The following CSMD1 variants were observed in gnomAD, a reference collection of about 807,000 sequenced individuals.
CSMD1 encodes the protein CUB and sushi domain-containing protein 1.
Under a neutral mutation model 417.5 loss-of-function variants are expected in CSMD1, and 213 were observed. The observed-to-expected ratio is 0.51, with a 90% CI of 0.46 to 0.57. The LOEUF is 0.57. Among genes scored for constraint, CSMD1 ranks in the 20% least tolerant of loss-of-function variants. The probability of loss-of-function intolerance (pLI) is 0.00; values close to 1 mark genes in which losing one functional copy is unlikely to be tolerated. For missense variants in CSMD1, 6,923 were observed against 4,529.7 expected (o/e 1.53, Z -15.17); for synonymous variants, 2,862 against 1,736.8 (o/e 1.65, Z -16.11).
intron 5 of CSMD1, among the ~76,000 whole-genome samples, chr8:3,764,775 C>G (rs1321204534): frequency 7.1e-6 from 1 of 140,602 alleles, no homozygotes; most frequent in Non-Finnish European, 1.5e-5. Context: ...GAGAGACATT[C>G]TCACTCTGTT....
At chr8:3,599,776 G>A (rs1801274017) in intron 8 of CSMD1, among the ~76,000 whole-genome samples, 1 of 152,118 alleles carries the variant, frequency 6.6e-6, no homozygotes, top group South Asian at 2.1e-4. Flanking sequence ...CTTCCCGCTT[G>A]GCATGGGCAA....
intron 42 of CSMD1, 128 bp downstream of exon 42, chr8:3,118,271 A>C: frequency 1.4e-6 from 1 of 715,188 alleles, no homozygotes; most frequent in South Asian, 2.0e-5. Flanking sequence ...AGTGAGTAAA[A>C]CATAATAGAT....
intron 1 of CSMD1, among the ~76,000 whole-genome samples, chr8:4,749,495 A>G (rs555392086): frequency 5.3e-5 from 8 of 152,328 alleles, no homozygotes; most frequent in Non-Finnish European, 8.8e-5. Context: ...ACCATTAGTG[A>G]TGACTTGTGG....
chr8:3,176,858 A>G (rs1273185885), intron 37 of CSMD1, among the ~76,000 whole-genome samples: 1 of 148,850 alleles, frequency 6.7e-6, no homozygotes, highest in East Asian at 2.0e-4. Flanking sequence ...GGCTGTCTGT[A>G]GCCTCGGCCT....
intron 6 of CSMD1, among the ~76,000 whole-genome samples, chr8:3,731,830 C>T (rs1214681190): frequency 6.6e-6 from 1 of 152,086 alleles, no homozygotes; most frequent in African/African-American, 2.4e-5. Flanking sequence ...CCTCACCACC[C>T]ATGAGTGAGT....
At chr8:4,567,143 G>C (rs1324057321) in intron 2 of CSMD1, among the ~76,000 whole-genome samples, 1 of 152,156 alleles carries the variant, frequency 6.6e-6, no homozygotes, top group African/African-American at 2.4e-5. Flanking sequence ...GCCCTACTCA[G>C]AGTATTCCAT....
At chr8:3,745,723 C>T (rs536366259) in intron 6 of CSMD1, among the ~76,000 whole-genome samples, 60 of 152,302 alleles carry the variant, frequency 3.9e-4, no homozygotes, top group African/African-American at 1.4e-3. Context: ...GAGTAGATTC[C>T]TTATTTCATT....
intron 2 of CSMD1, among the ~76,000 whole-genome samples, chr8:4,493,162 A>T (rs544153421): frequency 6.6e-6 from 1 of 152,330 alleles, no homozygotes; most frequent in African/African-American, 2.4e-5. Flanking sequence ...TAAAGGCAGC[A>T]ATAGTATTCT....
intron 3 of CSMD1, among the ~76,000 whole-genome samples, chr8:4,121,685 G>T (rs1247389496): frequency 9.3e-5 from 14 of 150,470 alleles, no homozygotes; most frequent in Admixed American, 2.6e-4. Flanking sequence ...TTTCAAAGTT[G>T]AAGAGGGTTT....
intron 3 of CSMD1, among the ~76,000 whole-genome samples, chr8:4,243,366 G>T (rs960935122): frequency 2.1e-4 from 32 of 152,126 alleles, no homozygotes; most frequent in African/African-American, 7.5e-4. Context: ...GCCGAGAGGG[G>T]CCCAAAAAAC....
intron 5 of CSMD1, among the ~76,000 whole-genome samples, chr8:3,817,016 G>GA (rs1201479295): frequency 1.3e-5 from 2 of 151,976 alleles, no homozygotes; most frequent in Non-Finnish European, 2.9e-5. Flanking sequence ...GTGTTGTAAA[G>GA]AAAAAACAAT....
At chr8:4,189,978 G>C (rs115266114) in intron 3 of CSMD1, among the ~76,000 whole-genome samples, 2,837 of 151,480 alleles carry the variant, frequency 0.019, 97 homozygotes, top group African/African-American at 0.064. Context: ...GCAGAGACTC[G>C]CCAGGTGTGG....
At chr8:3,839,565 ATAATAT>A (rs1408266193) in intron 5 of CSMD1, among the ~76,000 whole-genome samples, 1 of 132,054 alleles carries the variant, frequency 7.6e-6, no homozygotes, top group East Asian at 2.0e-4. Flanking sequence ...ATTATAATAT[ATAATAT>A]TAATTTATTA....
At chr8:3,912,892 G>C (rs368147147) in intron 5 of CSMD1, among the ~76,000 whole-genome samples, 1 of 152,280 alleles carries the variant, frequency 6.6e-6, no homozygotes, top group African/African-American at 2.4e-5. Context: ...AGTGAATGAA[G>C]ATCAATTAAT....
intron 8 of CSMD1, among the ~76,000 whole-genome samples, chr8:3,600,944 A>G (rs1319333520): frequency 6.6e-6 from 1 of 152,222 alleles, no homozygotes; most frequent in Non-Finnish European, 1.5e-5. Context: ...AGAGGAAGGA[A>G]TTGATTGCAA....
chr8:3,787,008 G>C (rs565030840), intron 5 of CSMD1, among the ~76,000 whole-genome samples: 2 of 152,242 alleles, frequency 1.3e-5, no homozygotes, highest in South Asian at 2.1e-4. Flanking sequence ...TGAGGGTCAG[G>C]ATCTGAAGTC....
intron 52 of CSMD1, among the ~76,000 whole-genome samples, chr8:3,012,751 G>T (rs1410175084): frequency 6.6e-6 from 1 of 152,096 alleles, no homozygotes; most frequent in Non-Finnish European, 1.5e-5. Context: ...GGGGATGTGG[G>T]GATTTTTTAT....
At chr8:4,068,264 C>A (rs1290598869) in intron 3 of CSMD1, among the ~76,000 whole-genome samples, 1 of 151,972 alleles carries the variant, frequency 6.6e-6, no homozygotes, top group African/African-American at 2.4e-5. Context: ...TTGCCCTCCT[C>A]GGAGAGTTGA....
chr8:3,484,685 T>G (rs899936107), intron 11 of CSMD1, among the ~76,000 whole-genome samples: 1 of 152,196 alleles, frequency 6.6e-6, no homozygotes, highest in African/African-American at 2.4e-5. Flanking sequence ...CTGCAAACCA[T>G]GTATTCTACA....
Sources: gnomAD v4.1 joint callset for allele counts (sites outside exome capture counted in the v4.1 genomes callset) on GRCh38, gnomAD v4.1.1 for gene constraint, MANE v1.5 for transcripts, NCBI Gene and HGNC (gene_info 2026-07-23, HGNC 2026-07-21) for gene names.